The following GALNT2 variants were observed in gnomAD, a reference collection of about 807,000 sequenced individuals.
GALNT2 encodes polypeptide N-acetylgalactosaminyltransferase 2.
Under a neutral mutation model 81.4 loss-of-function variants are expected in GALNT2, and 31 were observed. The observed-to-expected ratio is 0.38, with a 90% CI of 0.29 to 0.51. The LOEUF (loss-of-function observed/expected upper bound fraction) is 0.51, where lower values mean the gene tolerates loss of function less well. GALNT2 is among the 20% of genes least tolerant of loss of function. The pLI, the probability that GALNT2 is intolerant of heterozygous loss-of-function variation, is 0.87. For missense variants in GALNT2, 629 were observed against 765.7 expected (o/e 0.82, Z 2.11); for synonymous variants, 303 against 287.4 (o/e 1.05, Z -0.55).
chr1:230,156,233 A>AGAG (rs1662251097), intron 1 of GALNT2, among the ~76,000 whole-genome samples: 1 of 119,262 alleles, frequency 8.4e-6, no homozygotes, highest in Non-Finnish European at 1.9e-5. Context: ...GAGAGAGAGA[A>AGAG]AGAGAGAGAG....
intron 1 of GALNT2, among the ~76,000 whole-genome samples, chr1:230,165,711 C>T (rs986640552): frequency 6.6e-6 from 1 of 152,220 alleles, no homozygotes; most frequent in African/African-American, 2.4e-5. Flanking sequence ...AAATAAGTGG[C>T]GCCAGAGGTA....
chr1:230,266,713 C>T (rs1280711731), intron 14 of GALNT2, among the ~76,000 whole-genome samples: 1 of 152,158 alleles, frequency 6.6e-6, no homozygotes, highest in African/African-American at 2.4e-5. Context: ...AGTCCCCATC[C>T]AGCATGGGCA....
At position 230,236,059 on chromosome 1, in the gene GALNT2, G is replaced by T. The variant is rs1320610950; in HGVS notation, c.420G>T (p.Val140=). 5 of 1,613,846 alleles carry T rather than the reference G, an allele frequency of 3.1e-6. No homozygotes were observed. The East Asian group carries it at 1.1e-4, about 36-fold the overall frequency. The change falls in exon 4 of 16, where the codon GTG becomes GTT. Residue 140 remains valine, a synonymous_variant. Transcript: ENST00000366672. The part of the protein sequence containing the change: ...QWRVDLPATS[V]VITFHNEARS... ...GGGTGGATCTGCCGGCCACCAGCGT[G>T]GTGATCACGTTTCACAATGAAGCCA...
At chr1:230,151,521 C>G (rs146974406) in intron 1 of GALNT2, among the ~76,000 whole-genome samples, 16 of 152,154 alleles carry the variant, frequency 1.1e-4, no homozygotes, top group Non-Finnish European at 2.4e-4. Context: ...TCTGACTACC[C>G]GGCCTCCCCA....
rs762243273 is a variant in GALNT2, at chr1:230,279,256, T to G, written c.1561-47T>G. On this transcript the variant is annotated intron_variant, in intron 15 of 15. Transcript: ENST00000366672. This position sits in a 1 kb window ranked among gnomAD's most constrained non-coding sequence, Gnocchi z 4.6. ...TGAATTCACACGAATCTGTTTGTAC[T>G]CCTTTGCTTGTGCCCACACTCTAAG... 1 of 1,577,164 alleles carries G rather than the reference T, an allele frequency of 6.3e-7. No individual in the cohort carries two copies. Among genetic ancestry groups the G allele is most frequent in the Non-Finnish European group, 8.7e-7 (1 of 1,155,594 alleles).
intron 1 of GALNT2, among the ~76,000 whole-genome samples, chr1:230,172,364 A>C (rs1662821720): frequency 6.6e-6 from 1 of 152,176 alleles, no homozygotes; most frequent in Non-Finnish European, 1.5e-5. Flanking sequence ...CCCTAGGCAA[A>C]CCTTCAGAGA....
chr1:230,184,199 T>C (rs1663246948), intron 2 of GALNT2, among the ~76,000 whole-genome samples: 1 of 151,706 alleles, frequency 6.6e-6, no homozygotes, highest in Admixed American at 6.6e-5. Flanking sequence ...ATCTTTTTTT[T>C]TTTTTTTGCG....
intron 1 of GALNT2, among the ~76,000 whole-genome samples, chr1:230,130,037 A>G (rs1054029561): frequency 2.0e-5 from 3 of 152,244 alleles, no homozygotes; most frequent in Non-Finnish European, 2.9e-5. Flanking sequence ...TCTTACTTGT[A>G]GAACGTGGAG....
Position 230,246,161 on chromosome 1 carries a change from G to T in GALNT2, c.817+11G>T. On this transcript the variant is annotated intron_variant, in intron 8 of 15. Coordinates refer to ENST00000366672, the MANE Select transcript of GALNT2 (RefSeq NM_004481.5). ...CTGACTTGAAGGGCGGTAGGTGTCT[G>T]TCATGGTGCCCCTGCCTAGCTCGTC... is the stretch of plus-strand genomic sequence containing the variant. 1 of 1,604,308 alleles carries T rather than the reference G, an allele frequency of 6.2e-7. No homozygotes were observed. The highest frequency in any genetic ancestry group is 8.5e-7 in the Non-Finnish European group (1 of 1,171,052).
At chr1:230,081,353 A>ATTT (rs1659722668) in intron 1 of GALNT2, among the ~76,000 whole-genome samples, 1 of 151,814 alleles carries the variant, frequency 6.6e-6, no homozygotes, top group African/African-American at 2.4e-5. Flanking sequence ...TCCCAATTCC[A>ATTT]CCCTTAATCT....
intron 1 of GALNT2, among the ~76,000 whole-genome samples, chr1:230,096,760 T>C (rs1558081551): frequency 6.6e-6 from 1 of 152,218 alleles, no homozygotes; most frequent in Non-Finnish European, 1.5e-5. Context: ...GAATTATACA[T>C]ACAATCATAG....
chr1:230,145,312 C>G (rs1661881252), intron 1 of GALNT2, among the ~76,000 whole-genome samples: 1 of 152,120 alleles, frequency 6.6e-6, no homozygotes, highest in South Asian at 2.1e-4. Flanking sequence ...TCCCCTGACC[C>G]CTAAGTTTGT....
rs115279090 is a variant in GALNT2, at chr1:230,241,299, T to C, written c.608-2007T>C. 1.6e-3 allele frequency among the ~76,000 whole-genome samples: 245 copies of C among 152,322 alleles called. 2 individuals carry two copies. Among genetic ancestry groups the C allele is most frequent in the African/African-American group, 5.7e-3 (235 of 41,570 alleles). On this transcript the variant is annotated intron_variant, in intron 6 of 15. Coordinates refer to ENST00000366672, the MANE Select transcript of GALNT2 (RefSeq NM_004481.5). ...TTTATAATTGACATTGTGGATGATA[T>C]GTTGTAGAAACACTGGATTATGTTA...
At chr1:230,163,927 G>A (rs528359753) in intron 1 of GALNT2, among the ~76,000 whole-genome samples, 3 of 152,282 alleles carry the variant, frequency 2.0e-5, no homozygotes, top group East Asian at 3.9e-4. Context: ...AGAACTGGCC[G>A]GGGGTGGTGG....
intron 10 of GALNT2, among the ~76,000 whole-genome samples, chr1:230,254,022 G>C (rs1007114221): frequency 4.6e-5 from 7 of 151,970 alleles, no homozygotes; most frequent in African/African-American, 1.7e-4. Flanking sequence ...TTTTTGTCCT[G>C]CCTCCCTAAC....
chr1:230,124,966 T>C (rs956888800), intron 1 of GALNT2, among the ~76,000 whole-genome samples: 2 of 152,260 alleles, frequency 1.3e-5, no homozygotes, highest in African/African-American at 4.8e-5. Context: ...CACCGCTGGC[T>C]GTTTTCAAGA....
chr1:230,138,615 T>C (rs561493429), intron 1 of GALNT2, among the ~76,000 whole-genome samples: 120 of 151,978 alleles, frequency 7.9e-4, no homozygotes, highest in African/African-American at 2.7e-3. Flanking sequence ...AGTATACTTA[T>C]GGTTATTTCT....
At chr1:230,232,342 T>A (rs1664891471) in intron 3 of GALNT2, among the ~76,000 whole-genome samples, 1 of 152,326 alleles carries the variant, frequency 6.6e-6, no homozygotes, top group East Asian at 1.9e-4. Flanking sequence ...TAGATGAATT[T>A]TAATAAAATG....
chr1:230,088,633 G>A (rs1659967107), intron 1 of GALNT2, among the ~76,000 whole-genome samples: 1 of 151,580 alleles, frequency 6.6e-6, no homozygotes, highest in African/African-American at 2.4e-5. Context: ...CGCTACCCAG[G>A]TTCACCCCAT....
Sources: allele counts gnomAD v4.1 joint callset (sites outside exome capture counted in the v4.1 genomes callset), GRCh38; gene constraint gnomAD v4.1.1; non-coding constraint Gnocchi (gnomAD v3.1); transcripts MANE v1.5; gene names NCBI Gene and HGNC (gene_info 2026-07-23, HGNC 2026-07-21).